Variants in ZNF443 observed in about 807,000 individuals in gnomAD.
ZNF443 encodes the protein Kruppel-type zinc finger (C2H2).
ZNF443 carries 3 observed loss-of-function variants against 12.0 expected under a neutral mutation model. The observed-to-expected ratio is 0.25, with a 90% confidence interval of 0.11 to 0.64. The LOEUF is 0.64. Ranked by LOEUF, ZNF443 falls within the 30% of genes least tolerant of loss-of-function variation. ZNF443 has a pLI of 0.84. For synonymous variants in ZNF443, 225 were observed against 265.9 expected (o/e 0.85, Z 1.50); for missense variants, 770 against 808.8 (o/e 0.95, Z 0.58).
In ZNF443 at chr19:12,440,963, A is replaced by C; in HGVS notation, c.-49T>G. Reference sequence around the variant, plus strand: ...GGTCCTACCGACAGCTCCCGCTGCCAATGCGTGTTCCAGCCAGACAAAGGC... The same window carrying C: ...GGTCCTACCGACAGCTCCCGCTGCCCATGCGTGTTCCAGCCAGACAAAGGC... On this transcript the variant is annotated 5_prime_UTR_variant, in exon 1 of 4. It adds an upstream start codon to the 5' untranslated region. Transcript: ENST00000301547. The C allele has an allele frequency of 2.5e-6, 4 of 1,613,902 alleles. No individual in the cohort carries two copies. Among genetic ancestry groups the C allele is most frequent in the Non-Finnish European group, 3.4e-6 (4 of 1,179,872 alleles).
intron 1 of ZNF443, among the ~76,000 whole-genome samples, chr19:12,433,624 T>A (rs1568238030): frequency 6.6e-6 from 1 of 152,172 alleles, no homozygotes; most frequent in Non-Finnish European, 1.5e-5. Context: ...GACAGTGTAT[T>A]TAGGGGAGGG....
intron 2 of ZNF443, 123 bp from the exon 3 acceptor site, chr19:12,432,560 A>G (rs1970268264): frequency 1.6e-6 from 1 of 613,240 alleles, no homozygotes; most frequent in African/African-American, 2.1e-5. Context: ...ACTCTTGAAA[A>G]ACAGAGGTTT....
In ZNF443 at chr19:12,431,099, C is replaced by G. The variant is rs1355191614; in HGVS notation, c.1073G>C (p.Arg358Thr). The change falls in exon 4 of 4, where the codon AGG becomes ACG. Residue 358 changes from arginine (R) to threonine (T), a missense_variant. Transcript: ENST00000301547. The stretch of plus-strand genomic sequence containing the variant: ...TTTATGAGGTCCATTTCCAGTGTGC[C>G]TTATCATGTGTCTTTGAAAGCTTCC... ...HLGSFQRHMI[R>T]HTGNGPHKCK... The G allele has an allele frequency of 1.2e-6, 2 of 1,613,660 alleles. No homozygotes were observed. Among genetic ancestry groups the G allele is most frequent in the Admixed American group, 1.7e-5 (1 of 59,974 alleles).
At chr19:12,439,918 G>A (rs1316268684) in intron 1 of ZNF443, among the ~76,000 whole-genome samples, 2 of 151,956 alleles carry the variant, frequency 1.3e-5, no homozygotes, top group Admixed American at 1.3e-4. Context: ...CAGAAGGTTA[G>A]CCTGGGGAAG....
chr19:12,437,491 A>T (rs1422266177), intron 1 of ZNF443, among the ~76,000 whole-genome samples: 1 of 151,864 alleles, frequency 6.6e-6, no homozygotes, highest in African/African-American at 2.4e-5. Context: ...TAGACACCTC[A>T]GTTAAAATAA....
At position 12,440,988 on chromosome 19, in the gene ZNF443, C is replaced by T. The variant is rs776612398; in HGVS notation, c.-74G>A. 2 of 1,612,182 alleles carry T rather than the reference C, an allele frequency of 1.2e-6. No individual in the cohort carries two copies. Among genetic ancestry groups the T allele is most frequent in the East Asian group, 2.2e-5 (1 of 44,878 alleles). On this transcript the variant is annotated 5_prime_UTR_variant, in exon 1 of 4. Transcript: ENST00000301547. ...AATGCGTGTTCCAGCCAGACAAAGG[C>T]TGCCTCAGAACTTCCAGGTCGTCTC...
chr19:12,432,038 T>TGC (rs1568237583), intron 3 of ZNF443, 58 bp from the exon 4 acceptor site: 27 of 1,299,534 alleles, frequency 2.1e-5, no homozygotes, highest in Middle Eastern at 1.9e-4. Context: ...TGTATAGGTA[T>TGC]TAATAAGTAT....
intron 1 of ZNF443, 72 bp downstream of exon 1, chr19:12,440,840 C>T: frequency 6.2e-7 from 1 of 1,612,558 alleles, no homozygotes; most frequent in South Asian, 1.1e-5. Flanking sequence ...GGCCCGGGTC[C>T]AGCCACAGCC....
intron 1 of ZNF443, among the ~76,000 whole-genome samples, chr19:12,435,188 C>G (rs574057332): frequency 6.6e-6 from 1 of 152,298 alleles, no homozygotes; most frequent in South Asian, 2.1e-4. Flanking sequence ...GTTGGCCAGG[C>G]TGGTCTCAAA....
At chr19:12,438,094 C>G (rs574078273) in intron 1 of ZNF443, among the ~76,000 whole-genome samples, 5 of 130,438 alleles carry the variant, frequency 3.8e-5, no homozygotes, top group Non-Finnish European at 6.5e-5. Flanking sequence ...GAGATGCTGT[C>G]TCAAAAAAAA....
chr19:12,440,564 TGTTAAACCGTTTCTGCTGCAGC>T (rs1329660540), intron 1 of ZNF443, among the ~76,000 whole-genome samples: 2 of 152,120 alleles, frequency 1.3e-5, no homozygotes, highest in Non-Finnish European at 1.5e-5. Flanking sequence ...CCTCTCCTCC[TGTTAAACCGTTTCTGCTGCAGC>T]CCTCGGCGTC....
chr19:12,440,806 A>G (rs751190082), intron 1 of ZNF443, 106 bp downstream of exon 1: 367 of 1,585,808 alleles, frequency 2.3e-4, no homozygotes, highest in Non-Finnish European at 2.0e-4. Context: ...CCGGGTCCGT[A>G]GATCCCGAAG....
At position 12,430,562 on chromosome 19, in the gene ZNF443, C is replaced by T. The variant is rs1355739322; in HGVS notation, c.1610G>A (p.Cys537Tyr). The change falls in exon 4 of 4, where the codon TGT becomes TAT. Residue 537 changes from cysteine (C) to tyrosine (Y), a missense_variant. By Grantham distance (194) the Cys-to-Tyr change is radical (BLOSUM62 -2). Transcript: ENST00000301547. ...TGEKPYECKT[C>Y]RKAFGHYDNL... ...ATCATAATGACCGAAGGCTTTCCTA[C>T]ATGTTTTACACTCATAAGGTTTCTC... The T allele has an allele frequency of 5.0e-5, 81 of 1,613,902 alleles. No homozygotes were observed. The highest frequency in any genetic ancestry group is 6.6e-5 in the Non-Finnish European group (78 of 1,179,996).
rs1490697558 is a variant in ZNF443, at chr19:12,433,331, T to C, written c.4-134A>G. ...CAATGACATGGTAAACCCACTCTTA[T>C]TCTCTGTCTACACTCACTTTCTCCT... On this transcript the variant is annotated intron_variant, in intron 1 of 3. Coordinates refer to ENST00000301547, the MANE Select transcript of ZNF443 (RefSeq NM_005815.5). The C allele has an allele frequency of 3.5e-5, 50 of 1,448,958 alleles. No homozygotes were observed. In the Middle Eastern group the frequency reaches 7.0e-4, roughly 20 times the overall value. The allele number at this position is 1,448,958 out of a possible 1,614,324, so 89.8% of individuals were successfully genotyped here. A position where few individuals can be genotyped will look rare whatever the true frequency, so the allele number is the denominator to read the frequency against.
At position 12,431,727 on chromosome 19, in the gene ZNF443, C is replaced by T. The variant is rs781428645; in HGVS notation, c.445G>A (p.Ala149Thr). 6.6e-5 allele frequency: 107 copies of T among 1,614,130 alleles called. 2 individuals carry two copies. Among genetic ancestry groups the T allele is most frequent in the Non-Finnish European group, 8.6e-5 (102 of 1,180,002 alleles). ...TGAAATGAGTTGTGGTAACTGAAGGCTTTCCCACGTTGTTTATGCGTATCT... is the reference window on the plus strand; with the variant it reads ...TGAAATGAGTTGTGGTAACTGAAGGTTTTCCCACGTTGTTTATGCGTATCT... ...KPDTHKQRGK[A>T]FSYHNSFQTH... The change falls in exon 4 of 4, where the codon GCC (alanine) becomes ACC (threonine). Residue 149 changes from alanine to threonine, a missense_variant. Transcript: ENST00000301547.
chr19:12,431,535 G>T lies in ZNF443; in HGVS notation c.637C>A (p.His213Asn). 1 of 1,614,144 alleles carries T rather than the reference G, an allele frequency of 6.2e-7. No homozygotes were observed. Among genetic ancestry groups the T allele is most frequent in the Non-Finnish European group, 8.5e-7 (1 of 1,179,996 alleles). Residue 213 changes from histidine to asparagine, a missense_variant, in exon 4 of 4, where the codon CAT becomes AAT. Transcript: ENST00000301547. ...CCAGTGTGCGTTCTTTCATGCATATGTAATAAACTGGGCCAAAAAAACGCT... is the reference window on the plus strand; with the variant it reads ...CCAGTGTGCGTTCTTTCATGCATATTTAATAAACTGGGCCAAAAAAACGCT... ...GKAFFWPSLL[H>N]MHERTHTGEK...
At chr19:12,435,801 T>C (rs1479055415) in intron 1 of ZNF443, among the ~76,000 whole-genome samples, 2 of 151,796 alleles carry the variant, frequency 1.3e-5, no homozygotes, top group Admixed American at 6.6e-5. Flanking sequence ...TGTCAGTTTC[T>C]ACAACAAATA....
chr19:12,436,568 C>G lies in ZNF443; in HGVS notation c.4-3371G>C, dbSNP rs182451175. On this transcript the variant is annotated intron_variant, in intron 1 of 3. Transcript: ENST00000301547. ...TGAAGACATCTTCACAAGTGTTCAA[C>G]AGATGTGAGCAGCCAAAAAAAAAAT... 6.3e-3 allele frequency among the ~76,000 whole-genome samples: 910 copies of G among 143,346 alleles called. 7 individuals are homozygous for G. Among genetic ancestry groups the G allele is most frequent in the South Asian group, 9.8e-3 (41 of 4,166 alleles). 94.0% of individuals were successfully genotyped at this position (143,346 alleles called of 152,430 possible).
chr19:12,437,132 G>A (rs1970319234), intron 1 of ZNF443, among the ~76,000 whole-genome samples: 1 of 152,060 alleles, frequency 6.6e-6, no homozygotes, highest in Non-Finnish European at 1.5e-5. Context: ...GCTCAGCCCT[G>A]TAATGCCAAC....
Sources: allele counts gnomAD v4.1 joint callset (sites outside exome capture counted in the v4.1 genomes callset), GRCh38; gene constraint gnomAD v4.1.1; transcripts MANE v1.5; gene names NCBI Gene and HGNC (gene_info 2026-07-23, HGNC 2026-07-21).